The following NAV2 variants were observed in gnomAD, a reference collection of about 807,000 sequenced individuals.
The protein encoded by NAV2 is neuron navigator 2, also known as helicase, APC down-regulated 1.
A neutral mutation model predicts 223.2 loss-of-function variants in NAV2; 54 were observed. The observed-to-expected ratio is 0.24, with a 90% CI of 0.19 to 0.30. The LOEUF is 0.30. Ranked by LOEUF, NAV2 falls within the 10% of genes least tolerant of loss-of-function variation. The probability of loss-of-function intolerance (pLI) is 1.00; values close to 1 mark genes in which losing one functional copy is unlikely to be tolerated. For missense variants in NAV2, 2,806 were observed against 3,147.5 expected (o/e 0.89, Z 2.60); for synonymous variants, 1,279 against 1,239.3 (o/e 1.03, Z -0.67).
intron 1 of NAV2, among the ~76,000 whole-genome samples, chr11:19,800,734 T>C (rs150282454): frequency 2.6e-5 from 4 of 152,080 alleles, no homozygotes; most frequent in East Asian, 1.9e-4. Flanking sequence ...TAGATACATA[T>C]GTGTATGTGT....
chr11:19,459,369 A>G (rs771150265), intron 1 of NAV2, among the ~76,000 whole-genome samples: 3 of 152,238 alleles, frequency 2.0e-5, no homozygotes, highest in Non-Finnish European at 4.4e-5. Flanking sequence ...GTCTCCCAGA[A>G]CAGAGAAAGT....
At chr11:19,769,553 C>T (rs1427490049) in intron 1 of NAV2, among the ~76,000 whole-genome samples, 1 of 152,172 alleles carries the variant, frequency 6.6e-6, no homozygotes, top group Non-Finnish European at 1.5e-5. Context: ...TCCACCCCGA[C>T]CCCAGTGGTG....
intron 6 of NAV2, among the ~76,000 whole-genome samples, chr11:19,901,153 G>T (rs950225760): frequency 2.6e-5 from 4 of 152,100 alleles, no homozygotes; most frequent in Admixed American, 1.3e-4. Flanking sequence ...TCATATTTTT[G>T]AATAAAAGCC....
chr11:19,475,746 C>T (rs558612319), intron 1 of NAV2, among the ~76,000 whole-genome samples: 12 of 152,234 alleles, frequency 7.9e-5, no homozygotes, highest in Admixed American at 3.3e-4. Flanking sequence ...AAAATGAGGA[C>T]GTGCAGATAA....
intron 1 of NAV2, among the ~76,000 whole-genome samples, chr11:19,753,871 C>T (rs1238196129): frequency 1.3e-5 from 2 of 152,156 alleles, no homozygotes; most frequent in African/African-American, 4.8e-5. Flanking sequence ...AGGTTAATGC[C>T]CATTTTAGGC....
Position 19,933,159 on chromosome 11 carries a change from C to G in NAV2, c.932-17C>G, listed in dbSNP as rs2045544628. ...TCAACAAGTATGATTCAGGCCTCCT[C>G]TCTTCTGTCTCTGCAGAGCCTTTGG... is the stretch of plus-strand genomic sequence containing the variant. On this transcript the variant is annotated splice_polypyrimidine_tract_variant and intron_variant, in intron 6 of 37. Coordinates refer to ENST00000349880, the MANE Select transcript of NAV2 (RefSeq NM_145117.5). This position sits in a 1 kb window ranked among gnomAD's most constrained non-coding sequence, Gnocchi z 4.3. 6.6e-7 allele frequency: 1 copy of G among 1,508,494 alleles called. No homozygotes were observed. The highest frequency in any genetic ancestry group is 1.4e-5 in the South Asian group (1 of 73,076). The allele number at this position is 1,508,494 out of a possible 1,614,324, so 93.4% of individuals were successfully genotyped here.
intron 1 of NAV2, among the ~76,000 whole-genome samples, chr11:19,407,393 T>C (rs935362737): frequency 3.3e-5 from 5 of 152,122 alleles, no homozygotes; most frequent in Non-Finnish European, 5.9e-5. Context: ...CGATCTCAGC[T>C]GAGACACAAA....
intron 1 of NAV2, among the ~76,000 whole-genome samples, chr11:19,821,867 CCTT>C (rs1372931837): frequency 6.6e-6 from 1 of 152,190 alleles, no homozygotes; most frequent in African/African-American, 2.4e-5. Context: ...TAGCACTTGA[CCTT>C]CTGTGGTAGT....
intron 1 of NAV2, among the ~76,000 whole-genome samples, chr11:19,522,817 T>G (rs2632061): frequency 0.43 from 64,725 of 152,142 alleles, 14,286 homozygotes; most frequent in African/African-American, 0.53. Flanking sequence ...AATTGTCACT[T>G]TAATTCCCCA....
intron 19 of NAV2, among the ~76,000 whole-genome samples, chr11:20,061,373 C>T (rs1240205235): frequency 1.0e-5 from 1 of 100,172 alleles, no homozygotes; most frequent in Non-Finnish European, 2.7e-5. Context: ...AGTTCGAGAG[C>T]AGCCTGACTA....
At chr11:19,581,372 T>G (rs1029044411) in intron 1 of NAV2, among the ~76,000 whole-genome samples, 1 of 152,020 alleles carries the variant, frequency 6.6e-6, no homozygotes, top group South Asian at 2.1e-4. Flanking sequence ...AAATTTAAGG[T>G]TTTTTTTATT....
rs375421036 is a variant in NAV2 at position 19,424,494 on chromosome 11, A to G, written c.75+73467A>G. Among the ~76,000 whole-genome samples the G allele has an allele frequency of 2.0e-5, 3 of 152,222 alleles. No homozygotes were observed. The East Asian group carries it at 5.8e-4, about 29-fold the overall frequency. On this transcript the variant is annotated intron_variant, in intron 1 of 37. Transcript: ENST00000360655. The stretch of plus-strand genomic sequence containing the variant: ...CCACATTCTAAGAAGCGGTCAAATT[A>G]GGGATCTATAGCAAATAAGCCATAG...
chr11:19,649,453 G>T lies in NAV2; in HGVS notation c.76-183031G>T, dbSNP rs145037974. On this transcript the variant is annotated intron_variant, in intron 1 of 37. Coordinates refer to the NAV2 transcript ENST00000360655. ...AAACAACAAACATTTGTTTCTCACAGTTCTGGAGGCTGGAAGGTCAAGATC... is the reference window on the plus strand; with the variant it reads ...AAACAACAAACATTTGTTTCTCACATTTCTGGAGGCTGGAAGGTCAAGATC... Among the ~76,000 whole-genome samples the T allele has an allele frequency of 2.6e-3, 402 of 152,300 alleles. 1 individual carries two copies. Among genetic ancestry groups the T allele is most frequent in the African/African-American group, 9.2e-3 (383 of 41,554 alleles).
At chr11:19,355,025 G>A (rs1287743133) in intron 1 of NAV2, among the ~76,000 whole-genome samples, 1 of 152,132 alleles carries the variant, frequency 6.6e-6, no homozygotes, top group African/African-American at 2.4e-5. Context: ...GGGAGACAGG[G>A]GGCTTCTGCA....
chr11:20,036,037 C>T lies in NAV2; in HGVS notation c.2847C>T (p.Ser949=). The T allele has an allele frequency of 7.4e-6, 12 of 1,614,210 alleles. No individual in the cohort carries two copies. The highest frequency in any genetic ancestry group is 1.0e-5 in the Non-Finnish European group (12 of 1,180,018). ...TCAGCACTGATGACATCAACACCAGCTCCTCCATCAGCTCTTATGCCAACA... is the reference window on the plus strand; with the variant it reads ...TCAGCACTGATGACATCAACACCAGTTCCTCCATCAGCTCTTATGCCAACA... The part of the protein sequence containing the change: ...DNLSTDDINT[S]SSISSYANTP... Residue 949 remains serine, a synonymous_variant, in exon 12 of 38, where the codon AGC becomes AGT. Transcript: ENST00000349880.
intron 3 of NAV2, among the ~76,000 whole-genome samples, chr11:19,850,304 A>T (rs942827912): frequency 6.6e-6 from 1 of 150,804 alleles, no homozygotes; most frequent in South Asian, 2.1e-4. Context: ...AACATAATAC[A>T]CTCTCTTGTG....
In NAV2 at chr11:19,357,768, T is replaced by C. The variant is rs144170084; in HGVS notation, c.75+6741T>C. ...GTCAGTGGAGACAACAAAATCTTCC[T>C]TTATGTAGCAATCCTGTAATAACTA... is the stretch of plus-strand genomic sequence containing the variant. On this transcript the variant is annotated intron_variant, in intron 1 of 37. Coordinates refer to the NAV2 transcript ENST00000360655. Among the ~76,000 whole-genome samples, 56 of 152,350 alleles carry C rather than the reference T, an allele frequency of 3.7e-4. 1 individual carries two copies. Among genetic ancestry groups the C allele is most frequent in the African/African-American group, 1.2e-3 (51 of 41,580 alleles).
At chr11:19,679,417 C>A (rs555843016) in intron 1 of NAV2, among the ~76,000 whole-genome samples, 1 of 20,472 alleles carries the variant, frequency 4.9e-5, no homozygotes, top group African/African-American at 5.7e-5. Flanking sequence ...GGCAACAGAA[C>A]GAGACTCTGT....
rs796635384 is a variant in NAV2 at position 19,825,321 on chromosome 11, A to G, written c.268-7163A>G. ...AAAAAAAAAAAAAAAAAAAAAAAAAAGGCATTATATGATGACATTACCAAA... is the reference window on the plus strand; with the variant it reads ...AAAAAAAAAAAAAAAAAAAAAAAAAGGGCATTATATGATGACATTACCAAA... On this transcript the variant is annotated intron_variant, in intron 1 of 37. Transcript: ENST00000349880. Among the ~76,000 whole-genome samples, 273 of 125,228 alleles carry G rather than the reference A, an allele frequency of 2.2e-3. 1 individual carries two copies. Among genetic ancestry groups the G allele is most frequent in the African/African-American group, 7.7e-3 (272 of 35,098 alleles). 82.2% of individuals were successfully genotyped at this position (125,228 alleles called of 152,430 possible). A position where few individuals can be genotyped will look rare whatever the true frequency, so the allele number is the denominator to read the frequency against.
Sources: gnomAD v4.1 joint callset for allele counts (sites outside exome capture counted in the v4.1 genomes callset) on GRCh38, gnomAD v4.1.1 for gene constraint, Gnocchi (gnomAD v3.1) non-coding constraint, MANE v1.5 for transcripts, NCBI Gene and HGNC (gene_info 2026-07-23, HGNC 2026-07-21) for gene names.